CTNNA2: variants seen among roughly 807,000 people sequenced by gnomAD.
The protein encoded by CTNNA2 is catenin alpha-2.
A neutral mutation model predicts 101.0 loss-of-function variants in CTNNA2; 42 were observed. The observed-to-expected ratio is 0.42, with a 90% confidence interval of 0.32 to 0.54. The LOEUF is 0.54. Among genes scored for constraint, CTNNA2 ranks in the 20% least tolerant of loss-of-function variants. The pLI is 0.14. For synonymous variants in CTNNA2, 450 were observed against 456.4 expected (o/e 0.99, Z 0.18); for missense variants, 871 against 1,223.1 (o/e 0.71, Z 4.29).
At chr2:79,972,220 A>T (rs1690534776) in intron 7 of CTNNA2, among the ~76,000 whole-genome samples, 1 of 152,180 alleles carries the variant, frequency 6.6e-6, no homozygotes, top group Non-Finnish European at 1.5e-5. Flanking sequence ...TCAGCAAAAA[A>T]TCTATTAAGT....
intron 15 of CTNNA2, among the ~76,000 whole-genome samples, chr2:80,599,108 C>A (rs1004939758): frequency 6.6e-6 from 1 of 152,044 alleles, no homozygotes; most frequent in Admixed American, 6.6e-5. Flanking sequence ...CATTTCTATA[C>A]ATATCTCTGA....
intron 2 of CTNNA2, among the ~76,000 whole-genome samples, chr2:79,289,539 T>C (rs909924938): frequency 3.3e-5 from 5 of 151,764 alleles, no homozygotes; most frequent in Non-Finnish European, 7.4e-5. Flanking sequence ...AGGCGGGTGT[T>C]GGTCGAGACC....
chr2:80,337,980 T>G (rs565070536), intron 7 of CTNNA2, among the ~76,000 whole-genome samples: 1 of 151,686 alleles, frequency 6.6e-6, no homozygotes, highest in African/African-American at 2.4e-5. Flanking sequence ...AGAAAGGGAA[T>G]GTAGTTTACT....
chr2:79,745,040 C>T (rs1416975034), intron 3 of CTNNA2, among the ~76,000 whole-genome samples: 1 of 152,156 alleles, frequency 6.6e-6, no homozygotes, highest in African/African-American at 2.4e-5. Context: ...GCAAGCTAGC[C>T]ACTCATTAAT....
intron 6 of CTNNA2, among the ~76,000 whole-genome samples, chr2:79,874,710 C>A (rs191806563): frequency 6.6e-6 from 1 of 152,062 alleles, no homozygotes; most frequent in East Asian, 2.0e-4. Context: ...CGGGAGGCTG[C>A]GGCAGGAGAA....
At chr2:79,921,640 C>G (rs1686658913) in intron 7 of CTNNA2, among the ~76,000 whole-genome samples, 1 of 152,174 alleles carries the variant, frequency 6.6e-6, no homozygotes, top group African/African-American at 2.4e-5. Context: ...CTCTCAAATG[C>G]CAGAAGGAGA....
intron 7 of CTNNA2, among the ~76,000 whole-genome samples, chr2:80,044,738 T>C (rs1182754285): frequency 6.6e-6 from 1 of 152,178 alleles, no homozygotes; most frequent in Non-Finnish European, 1.5e-5. Flanking sequence ...GCATGCACTA[T>C]GTCTTGGTCA....
At chr2:79,321,813 A>G (rs997037199) in intron 3 of CTNNA2, among the ~76,000 whole-genome samples, 2 of 152,086 alleles carry the variant, frequency 1.3e-5, no homozygotes, top group African/African-American at 4.8e-5. Flanking sequence ...ACACACACAC[A>G]CACACAAATG....
At chr2:80,300,363 TAA>T (rs1335285521) in intron 7 of CTNNA2, among the ~76,000 whole-genome samples, 2 of 149,040 alleles carry the variant, frequency 1.3e-5, no homozygotes, top group Non-Finnish European at 3.0e-5. Flanking sequence ...CTTAACATCT[TAA>T]AAGACATTTG....
chr2:79,338,586 C>T (rs1194382032), intron 3 of CTNNA2, among the ~76,000 whole-genome samples: 45 of 131,568 alleles, frequency 3.4e-4, no homozygotes, highest in South Asian at 1.0e-3. Flanking sequence ...TCATCTTCTT[C>T]TTCTTCTTCT....
chr2:80,288,772 T>C (rs926277870), intron 7 of CTNNA2: 2 of 152,154 alleles, frequency 1.3e-5, no homozygotes, highest in Non-Finnish European at 2.9e-5. Flanking sequence ...CTGGGCCTGG[T>C]AGAAAATAAA....
At chr2:79,221,004 CT>C (rs1290789091) in intron 2 of CTNNA2, among the ~76,000 whole-genome samples, 2 of 152,152 alleles carry the variant, frequency 1.3e-5, no homozygotes, top group African/African-American at 4.8e-5. Flanking sequence ...TGTTGGGAGA[CT>C]TTGTTAACTC....
At chr2:79,532,167 T>A (rs1362221037) in intron 1 of CTNNA2, among the ~76,000 whole-genome samples, 1 of 152,060 alleles carries the variant, frequency 6.6e-6, no homozygotes, top group African/African-American at 2.4e-5. Flanking sequence ...CCACTTTTTT[T>A]AAAAACAGTC....
intron 9 of CTNNA2, among the ~76,000 whole-genome samples, chr2:80,505,332 C>A (rs551475601): frequency 1.3e-5 from 2 of 152,216 alleles, no homozygotes; most frequent in African/African-American, 4.8e-5. Context: ...AAAGGCATTT[C>A]TCTTCTCACA....
Position 79,495,387 on chromosome 2 carries a change from A to G in CTNNA2, c.-134-9667A>G, listed in dbSNP as rs1671246015. ...CATGAAAAGATGCTTATCATCATCC[A>G]TTAGGTAAATGCAAATGAAAACCAA... On this transcript the variant is annotated intron_variant, in intron 4 of 21. Coordinates refer to the CTNNA2 transcript ENST00000466387. 2.0e-5 allele frequency among the ~76,000 whole-genome samples: 3 copies of G among 152,234 alleles called. No homozygotes were observed. In the South Asian group the frequency reaches 6.2e-4, roughly 31 times the overall value.
intron 2 of CTNNA2, among the ~76,000 whole-genome samples, chr2:79,292,676 G>A (rs1450243645): frequency 6.6e-6 from 1 of 152,016 alleles, no homozygotes; most frequent in Non-Finnish European, 1.5e-5. Context: ...AATGAACAAT[G>A]GAAACAAACA....
intron 7 of CTNNA2, among the ~76,000 whole-genome samples, chr2:80,266,718 T>C (rs780854890): frequency 2.0e-5 from 3 of 152,202 alleles, no homozygotes; most frequent in Non-Finnish European, 2.9e-5. Context: ...AAGAAGTTAC[T>C]TGTGAAGTTG....
chr2:80,381,422 A>G (rs913769957), intron 7 of CTNNA2, among the ~76,000 whole-genome samples: 3 of 152,182 alleles, frequency 2.0e-5, no homozygotes, highest in African/African-American at 7.2e-5. Context: ...CATAATGTTA[A>G]GAATTAAAGT....
At chr2:79,298,156 A>G (rs182977813) in intron 2 of CTNNA2, among the ~76,000 whole-genome samples, 5 of 152,316 alleles carry the variant, frequency 3.3e-5, no homozygotes, top group Admixed American at 3.3e-4. Flanking sequence ...TGGCATGGGC[A>G]TCTGTTTCTG....
Sources: allele counts gnomAD v4.1 joint callset (sites outside exome capture counted in the v4.1 genomes callset), GRCh38; gene constraint gnomAD v4.1.1; transcripts MANE v1.5; gene names NCBI Gene and HGNC (gene_info 2026-07-23, HGNC 2026-07-21).